Variants in SLC25A21 observed in about 807,000 individuals in gnomAD.
SLC25A21 encodes solute carrier family 25 member 21.
Under a neutral mutation model 43.8 loss-of-function variants are expected in SLC25A21, and 47 were observed. The observed-to-expected ratio is 1.07, with a 90% CI of 0.85 to 1.37. The LOEUF (loss-of-function observed/expected upper bound fraction) is 1.37. Among genes scored for constraint, SLC25A21 ranks in the 40% most tolerant of loss-of-function variants. SLC25A21 has a pLI of 0.00. For missense variants in SLC25A21, 352 were observed against 350.2 expected (o/e 1.00, Z -0.04); for synonymous variants, 131 against 121.3 (o/e 1.08, Z -0.52).
At chr14:37,110,634 G>C (rs562549584) in intron 1 of SLC25A21, among the ~76,000 whole-genome samples, 1 of 152,236 alleles carries the variant, frequency 6.6e-6, no homozygotes, top group South Asian at 2.1e-4. Context: ...CAGTAAGCCA[G>C]GGTCAACTCC....
intron 3 of SLC25A21, among the ~76,000 whole-genome samples, chr14:36,769,441 T>C (rs1355922422): frequency 2.6e-5 from 4 of 152,214 alleles, no homozygotes; most frequent in African/African-American, 9.6e-5. Flanking sequence ...GTTCAGAATT[T>C]AGAAAATTTT....
chr14:36,707,882 T>C (rs1883648158), intron 7 of SLC25A21, among the ~76,000 whole-genome samples: 1 of 152,178 alleles, frequency 6.6e-6, no homozygotes, highest in South Asian at 2.1e-4. Context: ...CCCAGCACTT[T>C]GGAAGGCTGA....
chr14:37,066,295 A>G (rs1301068882), intron 1 of SLC25A21, among the ~76,000 whole-genome samples: 2 of 152,156 alleles, frequency 1.3e-5, no homozygotes, highest in African/African-American at 2.4e-5. Context: ...TTGGTCTTTC[A>G]AAAGGTAAAT....
Position 36,711,337 on chromosome 14 carries a change from T to C in SLC25A21, c.584A>G (p.Asn195Ser). ...AGTTACCTTATTGACAGGAATCATG[T>C]TTTTGACATTGTAGTAGAAGCCAAA... is the stretch of plus-strand genomic sequence containing the variant. ...VYFGFYYNVK[N>S]MIPVNKDPIL... The change falls in exon 7 of 10, where the codon AAC (asparagine) becomes AGC (serine). Residue 195 changes from asparagine to serine, a missense_variant. Coordinates refer to ENST00000331299, the MANE Select transcript of SLC25A21 (RefSeq NM_030631.4). 1 of 1,613,758 alleles carries C rather than the reference T, an allele frequency of 6.2e-7. No individual in the cohort carries two copies. Among genetic ancestry groups the C allele is most frequent in the Non-Finnish European group, 8.5e-7 (1 of 1,179,850 alleles).
At chr14:36,773,338 C>T (rs1886696286) in intron 3 of SLC25A21, among the ~76,000 whole-genome samples, 1 of 152,134 alleles carries the variant, frequency 6.6e-6, no homozygotes, top group Non-Finnish European at 1.5e-5. Flanking sequence ...AAAGCCATAT[C>T]AATTAACATT....
chr14:37,014,746 T>C (rs1365689590), intron 1 of SLC25A21, among the ~76,000 whole-genome samples: 1 of 152,172 alleles, frequency 6.6e-6, no homozygotes, highest in African/African-American at 2.4e-5. Context: ...AATATAATTC[T>C]TTAATAACAA....
At chr14:36,898,871 C>T (rs1268006842) in intron 1 of SLC25A21, among the ~76,000 whole-genome samples, 3 of 152,106 alleles carry the variant, frequency 2.0e-5, no homozygotes, top group African/African-American at 4.8e-5. Flanking sequence ...TGTTGTACAA[C>T]ATGATGACTT....
chr14:37,007,370 A>G (rs1329580336), intron 1 of SLC25A21, among the ~76,000 whole-genome samples: 1 of 152,180 alleles, frequency 6.6e-6, no homozygotes, highest in Admixed American at 6.5e-5. Context: ...TGGGAGGCTG[A>G]GGCAGTCAGA....
chr14:37,001,983 A>G (rs1960499613), intron 1 of SLC25A21, among the ~76,000 whole-genome samples: 1 of 152,180 alleles, frequency 6.6e-6, no homozygotes, highest in Admixed American at 6.5e-5. Flanking sequence ...ATGTGGCATG[A>G]ATAGTAAGTG....
At chr14:37,010,773 C>A (rs1256295368) in intron 1 of SLC25A21, among the ~76,000 whole-genome samples, 1 of 152,098 alleles carries the variant, frequency 6.6e-6, no homozygotes, top group Non-Finnish European at 1.5e-5. Flanking sequence ...GAGACAGGGT[C>A]TTGATCTTTC....
intron 6 of SLC25A21, among the ~76,000 whole-genome samples, chr14:36,715,754 G>T (rs1309974280): frequency 2.0e-5 from 3 of 152,140 alleles, no homozygotes; most frequent in Non-Finnish European, 4.4e-5. Flanking sequence ...TATGGGAAAT[G>T]GAATCAAATA....
intron 1 of SLC25A21, among the ~76,000 whole-genome samples, chr14:37,166,134 C>T (rs1432052427): frequency 1.3e-5 from 2 of 152,174 alleles, no homozygotes; most frequent in South Asian, 2.1e-4. Context: ...GCACAAATCA[C>T]GGAGCAGAGC....
intron 1 of SLC25A21, 120 bp downstream of exon 1, chr14:37,172,161 G>A (rs1037072281): frequency 6.6e-6 from 7 of 1,054,960 alleles, no homozygotes; most frequent in Non-Finnish European, 8.2e-6. Context: ...TGCTCCGGGA[G>A]CGCTGAATTT....
intron 2 of SLC25A21, among the ~76,000 whole-genome samples, chr14:36,833,835 TC>T (rs1457041791): frequency 2.0e-5 from 3 of 152,120 alleles, no homozygotes; most frequent in Admixed American, 6.5e-5. Flanking sequence ...AAGTCCAACT[TC>T]CCCTATTGAA....
At chr14:36,946,836 G>C (rs1019186349) in intron 1 of SLC25A21, among the ~76,000 whole-genome samples, 3 of 152,098 alleles carry the variant, frequency 2.0e-5, no homozygotes, top group Admixed American at 6.5e-5. Context: ...AAGGAAGTGA[G>C]TTACTATACA....
At chr14:36,798,926 G>A (rs1055381497) in intron 3 of SLC25A21, among the ~76,000 whole-genome samples, 1 of 152,070 alleles carries the variant, frequency 6.6e-6, no homozygotes, top group Non-Finnish European at 1.5e-5. Flanking sequence ...GACAGAGAGA[G>A]AGAGAAAGAG....
intron 2 of SLC25A21, among the ~76,000 whole-genome samples, chr14:36,864,568 CT>C (rs2138537486): frequency 6.6e-6 from 1 of 152,276 alleles, no homozygotes; most frequent in Non-Finnish European, 1.5e-5. Flanking sequence ...CAGAGAAACC[CT>C]ATTATGGTCA....
intron 1 of SLC25A21, among the ~76,000 whole-genome samples, chr14:37,053,240 G>A (rs1961749886): frequency 6.6e-6 from 1 of 152,112 alleles, no homozygotes; most frequent in African/African-American, 2.4e-5. Flanking sequence ...ATTTTGTATA[G>A]AGCCTAACAG....
intron 1 of SLC25A21, among the ~76,000 whole-genome samples, chr14:36,921,127 T>G (rs1358106716): frequency 2.0e-5 from 3 of 152,166 alleles, no homozygotes; most frequent in Non-Finnish European, 4.4e-5. Flanking sequence ...CCTCCTTTAA[T>G]GTTGTTTAGT....
Sources: gnomAD v4.1 joint callset for allele counts (sites outside exome capture counted in the v4.1 genomes callset) on GRCh38, gnomAD v4.1.1 for gene constraint, MANE v1.5 for transcripts, NCBI Gene and HGNC (gene_info 2026-07-23, HGNC 2026-07-21) for gene names.